PTPRT: variants seen among roughly 807,000 people sequenced by gnomAD.
PTPRT encodes protein tyrosine phosphatase receptor type T, also known as receptor-type tyrosine-protein phosphatase T.
Under a neutral mutation model 176.8 loss-of-function variants are expected in PTPRT, and 56 were observed. That is an observed-to-expected ratio of 0.32 (90% confidence interval 0.26 to 0.40). The LOEUF (loss-of-function observed/expected upper bound fraction) is 0.40. Among genes scored for constraint, PTPRT ranks in the 10% least tolerant of loss-of-function variants. PTPRT has a pLI of 1.00. For missense variants in PTPRT, 1,540 were observed against 1,908.2 expected, an observed-to-expected ratio of 0.81 and a Z score of 3.60; for synonymous variants, 783 against 739.0, an observed-to-expected ratio of 1.06 and a Z score of -0.96.
intron 9 of PTPRT, among the ~76,000 whole-genome samples, chr20:42,394,366 C>T (rs2058829011): frequency 6.6e-6 from 1 of 152,072 alleles, no homozygotes; most frequent in Non-Finnish European, 1.5e-5. Flanking sequence ...TCATTCTTGC[C>T]AATGAAACGT....
intron 6 of PTPRT, among the ~76,000 whole-genome samples, chr20:42,711,535 C>T (rs1368461410): frequency 6.6e-6 from 1 of 152,144 alleles, no homozygotes; most frequent in African/African-American, 2.4e-5. Flanking sequence ...TTGGAAGCCT[C>T]CTGAGGCCCT....
At chr20:42,682,540 G>A (rs2075621139) in intron 6 of PTPRT, among the ~76,000 whole-genome samples, 1 of 152,190 alleles carries the variant, frequency 6.6e-6, no homozygotes, top group African/African-American at 2.4e-5. Context: ...ACCATCATCT[G>A]TGCAAAGCCA....
chr20:42,058,872 C>T, the PTPRT span, among the ~76,000 whole-genome samples: 1 of 152,072 alleles, frequency 6.6e-6, no homozygotes, highest in Non-Finnish European at 1.5e-5. Context: ...TTCTCAGCCC[C>T]AAAAGCTCAC....
At chr20:43,049,079 A>G (rs1177568234) in intron 1 of PTPRT, among the ~76,000 whole-genome samples, 5 of 152,166 alleles carry the variant, frequency 3.3e-5, no homozygotes, top group Admixed American at 6.5e-5. Flanking sequence ...AGAGGCTGTT[A>G]CCCTGTTCTC....
chr20:43,077,020 G>A (rs1223876313), intron 1 of PTPRT, among the ~76,000 whole-genome samples: 1 of 152,134 alleles, frequency 6.6e-6, no homozygotes, highest in East Asian at 1.9e-4. Flanking sequence ...ACATGAATTG[G>A]TCCTCATTGC....
the PTPRT span, among the ~76,000 whole-genome samples, chr20:42,051,391 C>T: frequency 5.6e-3 from 860 of 152,266 alleles, 7 homozygotes; most frequent in African/African-American, 0.019. Flanking sequence ...GGAAGCTCTA[C>T]AGAAAAATGG....
intron 11 of PTPRT, among the ~76,000 whole-genome samples, chr20:42,338,697 CT>C (rs1301069564): frequency 1.3e-5 from 2 of 152,030 alleles, no homozygotes; most frequent in African/African-American, 4.8e-5. Flanking sequence ...TTTTCTAACT[CT>C]GTTTCTCTCT....
intron 7 of PTPRT, among the ~76,000 whole-genome samples, chr20:42,544,018 G>A (rs2072629183): frequency 6.6e-6 from 1 of 152,146 alleles, no homozygotes; most frequent in African/African-American, 2.4e-5. Flanking sequence ...GGTAGATTTA[G>A]CGTAGTGTTT....
chr20:42,724,462 T>C (rs1456949876), intron 6 of PTPRT, among the ~76,000 whole-genome samples: 1 of 152,176 alleles, frequency 6.6e-6, no homozygotes, highest in Non-Finnish European at 1.5e-5. Context: ...AGGGCATTTC[T>C]TTCTTGTTTC....
chr20:42,104,083 C>A (rs866952978), intron 25 of PTPRT, among the ~76,000 whole-genome samples: 1 of 152,166 alleles, frequency 6.6e-6, no homozygotes, highest in South Asian at 2.1e-4. Context: ...ATCTTAGCCC[C>A]CAATGTGATG....
rs1234932554 is a variant in PTPRT, at chr20:42,144,375, C to T, written c.2683-2373G>A. ...TTCAAAATAACAAAAATGGCAGCCA[C>T]GTTGGAGATGTCCATTAGACATCCA... On this transcript the variant is annotated intron_variant, in intron 17 of 30. Transcript: ENST00000373187. Among the ~76,000 whole-genome samples the T allele has an allele frequency of 5.3e-5, 8 of 152,032 alleles. No homozygotes were observed. The East Asian group carries it at 1.4e-3, about 26-fold the overall frequency.
rs988082790 is a variant in PTPRT, at chr20:42,190,944, T to C, written c.2491+8296A>G. 2.4e-4 allele frequency among the ~76,000 whole-genome samples: 37 copies of C among 152,330 alleles called. 1 individual carries two copies. The highest frequency in any genetic ancestry group is 8.4e-4 in the African/African-American group (35 of 41,590). On this transcript the variant is annotated intron_variant, in intron 16 of 30. Transcript: ENST00000373187. ...GCAAATTCCTTACTATTTTAAAGCC[T>C]GTTTCCTCACCTTTAAATTATCAGG... is the stretch of plus-strand genomic sequence containing the variant.
chr20:42,401,378 G>C (rs1320447728), intron 9 of PTPRT, among the ~76,000 whole-genome samples: 1 of 152,024 alleles, frequency 6.6e-6, no homozygotes, highest in East Asian at 1.9e-4. Context: ...GAGTTAGGTA[G>C]TGGAAAAAGT....
At chr20:42,929,325 A>C (rs1327696952) in intron 1 of PTPRT, among the ~76,000 whole-genome samples, 1 of 152,276 alleles carries the variant, frequency 6.6e-6, no homozygotes, top group African/African-American at 2.4e-5. Flanking sequence ...AAGAGCCCGA[A>C]GTGTGGAGAC....
intron 11 of PTPRT, among the ~76,000 whole-genome samples, chr20:42,333,466 G>A (rs995094575): frequency 6.6e-6 from 1 of 152,046 alleles, no homozygotes; most frequent in Non-Finnish European, 1.5e-5. Context: ...CGAGTAGCTG[G>A]GACTACAGGC....
chr20:42,922,048 G>A (rs530282987), intron 1 of PTPRT, among the ~76,000 whole-genome samples: 44 of 152,252 alleles, frequency 2.9e-4, no homozygotes, highest in African/African-American at 1.0e-3. Flanking sequence ...CAATTCTTCT[G>A]TCTCTGCCTC....
At chr20:42,946,267 C>G (rs1000415037) in intron 1 of PTPRT, among the ~76,000 whole-genome samples, 1 of 152,184 alleles carries the variant, frequency 6.6e-6, no homozygotes, top group African/African-American at 2.4e-5. Flanking sequence ...AATGAATCAC[C>G]CTGAGGAGTG....
intron 7 of PTPRT, among the ~76,000 whole-genome samples, chr20:42,534,504 C>A (rs948811458): frequency 1.3e-5 from 2 of 152,016 alleles, no homozygotes; most frequent in Non-Finnish European, 2.9e-5. Flanking sequence ...GGCATGGTGG[C>A]GAGCGCCTGT....
chr20:42,598,911 T>G (rs2073725264), intron 7 of PTPRT, among the ~76,000 whole-genome samples: 2 of 152,216 alleles, frequency 1.3e-5, no homozygotes, highest in African/African-American at 4.8e-5. Context: ...CACAGAGTAC[T>G]TCACGGCGGC....
Sources: allele counts gnomAD v4.1 joint callset (sites outside exome capture counted in the v4.1 genomes callset), GRCh38; gene constraint gnomAD v4.1.1; transcripts MANE v1.5; gene names NCBI Gene and HGNC (gene_info 2026-07-23, HGNC 2026-07-21).